The following ZNF843 variants were observed in gnomAD, a reference collection of about 807,000 sequenced individuals.
ZNF843 encodes the protein zinc finger protein 843.
For missense variants in ZNF843, 482 were observed against 469.4 expected, an observed-to-expected ratio of 1.03 and a Z score of -0.25; for synonymous variants, 185 against 207.7, an observed-to-expected ratio of 0.89 and a Z score of 0.94.
chr16:31,437,659 C>T (rs1256109693), intron 1 of ZNF843, among the ~76,000 whole-genome samples: 1 of 138,038 alleles, frequency 7.2e-6, no homozygotes, highest in Non-Finnish European at 1.5e-5. Flanking sequence ...CTTGCTCTGT[C>T]ACCCAGGCTG....
intron 1 of ZNF843, among the ~76,000 whole-genome samples, chr16:31,442,273 TGGGCCC>T (rs2082203927): frequency 6.6e-6 from 1 of 152,166 alleles, no homozygotes; most frequent in Admixed American, 6.5e-5. Flanking sequence ...GTGGAGGCGG[TGGGCCC>T]GGGCTGCGGC....
At chr16:31,437,416 G>A (rs953423930) in intron 1 of ZNF843, among the ~76,000 whole-genome samples, 1 of 141,136 alleles carries the variant, frequency 7.1e-6, no homozygotes, top group Non-Finnish European at 1.5e-5. Flanking sequence ...TGATCCTCCC[G>A]CTTCAGTCTC....
At chr16:31,439,399 C>G (rs1272429729) in intron 1 of ZNF843, among the ~76,000 whole-genome samples, 1 of 152,196 alleles carries the variant, frequency 6.6e-6, no homozygotes, top group Non-Finnish European at 1.5e-5. Context: ...TTAGGATTTA[C>G]TCAAGGAAAA....
rs1387833257 is a variant in ZNF843, at chr16:31,435,526, G to T, written c.*277C>A. On this transcript the variant is annotated 3_prime_UTR_variant, in exon 2 of 2. Coordinates refer to ENST00000315678, the MANE Select transcript of ZNF843 (RefSeq NM_001136509.3). Reference sequence around the variant, plus strand: ...CTAGTCTCAAATTCTTCGGGCTCACGCGATCCTCCCACCTCGGTCTCTTAA... The same window carrying T: ...CTAGTCTCAAATTCTTCGGGCTCACTCGATCCTCCCACCTCGGTCTCTTAA... The T allele has an allele frequency of 3.3e-6, 1 of 305,616 alleles. No individual in the cohort carries two copies. Among genetic ancestry groups the T allele is most frequent in the Non-Finnish European group, 6.0e-6 (1 of 166,938 alleles). 18.9% of individuals were successfully genotyped at this position (305,616 alleles called of 1,614,324 possible). A position where few individuals can be genotyped will look rare whatever the true frequency, so the allele number is the denominator to read the frequency against.
rs1203605816 is a variant in ZNF843, at chr16:31,436,500, C to T, written c.350G>A (p.Arg117His). ...AAAACCTGCTGGTACTGGGGACAGA[C>T]GCAGGGCTTCGGCCAGTGTGTGCTC... ...TKEHTLAEALRLSPVPAGFWG... is the reference protein window; with the variant it reads ...TKEHTLAEALHLSPVPAGFWG... The change falls in exon 2 of 2, where the codon CGT becomes CAT. Residue 117 changes from arginine (R) to histidine (H), a missense_variant. Coordinates refer to ENST00000315678, the MANE Select transcript of ZNF843 (RefSeq NM_001136509.3). 6.4e-6 allele frequency: 10 copies of T among 1,551,378 alleles called. No individual in the cohort carries two copies. The Admixed American group carries it at 1.2e-4, about 18-fold the overall frequency.
chr16:31,435,793 C>G lies in ZNF843; in HGVS notation c.*10G>C. 2.1e-6 allele frequency: 3 copies of G among 1,447,948 alleles called. No homozygotes were observed. Among genetic ancestry groups the G allele is most frequent in the Non-Finnish European group, 2.7e-6 (3 of 1,096,982 alleles). The allele number at this position is 1,447,948 out of a possible 1,614,324, so 89.7% of individuals were successfully genotyped here. The stretch of plus-strand genomic sequence containing the variant: ...AACAATTCCACCCAGGGCTGCAGCA[C>G]GCTGGTTCTTCAGTGTCGGGCCAGG... On this transcript the variant is annotated 3_prime_UTR_variant, in exon 2 of 2. Coordinates refer to ENST00000315678, the MANE Select transcript of ZNF843 (RefSeq NM_001136509.3).
Position 31,435,955 on chromosome 16 carries a change from T to C in ZNF843, c.895A>G (p.Arg299Gly). Residue 299 changes from arginine (R) to glycine (G), a missense_variant, in exon 2 of 2, where the codon AGA (arginine) becomes GGA (glycine). Transcript: ENST00000315678. ...GCCTCGCCGAGCGGTCCGGCCGCTCTGTGCTGCGAGGCCTTCCGGGCTGGC... is the reference window on the plus strand; with the variant it reads ...GCCTCGCCGAGCGGTCCGGCCGCTCCGTGCTGCGAGGCCTTCCGGGCTGGC... ...PEPARKASQHRAAGPLGEARA... is the reference protein window; with the variant it reads ...PEPARKASQHGAAGPLGEARA... 1 of 1,535,000 alleles carries C rather than the reference T, an allele frequency of 6.5e-7. No individual in the cohort carries two copies. The highest frequency in any genetic ancestry group is 8.8e-7 in the Non-Finnish European group (1 of 1,138,742).
chr16:31,439,189 A>T (rs1264376340), intron 1 of ZNF843, among the ~76,000 whole-genome samples: 3 of 152,262 alleles, frequency 2.0e-5, no homozygotes, highest in African/African-American at 7.2e-5. Flanking sequence ...CAGTCACCCG[A>T]GAAATGCAAA....
chr16:31,436,945 C>G lies in ZNF843; in HGVS notation c.-96G>C. On this transcript the variant is annotated 5_prime_UTR_variant, in exon 2 of 2. Transcript: ENST00000315678. ...TGGGGCCTCTGCCGCACTCAGGCTTCCCGTGGCCACGAGCTCACAGTCTGG... is the reference window on the plus strand; with the variant it reads ...TGGGGCCTCTGCCGCACTCAGGCTTGCCGTGGCCACGAGCTCACAGTCTGG... 1 of 1,220,686 alleles carries G rather than the reference C, an allele frequency of 8.2e-7. No homozygotes were observed. The highest frequency in any genetic ancestry group is 1.1e-6 in the Non-Finnish European group (1 of 890,406). 75.6% of individuals were successfully genotyped at this position (1,220,686 alleles called of 1,614,324 possible).
chr16:31,441,585 A>G (rs2142885566), intron 1 of ZNF843, among the ~76,000 whole-genome samples: 1 of 152,116 alleles, frequency 6.6e-6, no homozygotes, highest in African/African-American at 2.4e-5. Context: ...CCTGGGCTCA[A>G]GCGGTCCTCC....
chr16:31,442,344 G>C (rs567625615), intron 1 of ZNF843, among the ~76,000 whole-genome samples: 1 of 150,568 alleles, frequency 6.6e-6, no homozygotes, highest in African/African-American at 2.5e-5. Flanking sequence ...TTTTTGAGAC[G>C]GAGTCTCGCT....
intron 1 of ZNF843, 52 bp downstream of exon 1, chr16:31,442,584 G>C (rs994517412): frequency 6.5e-6 from 1 of 152,682 alleles, no homozygotes; most frequent in African/African-American, 2.4e-5. Context: ...CTCCCAAAGT[G>C]CTGGGATTAC....
rs1260775487 is a variant in ZNF843 at position 31,435,830 on chromosome 16, G to A, written c.1020C>T (p.Ser340=). Residue 340 remains serine (S), a synonymous_variant, in exon 2 of 2, where the codon AGC becomes AGT. Coordinates refer to ENST00000315678, the MANE Select transcript of ZNF843 (RefSeq NM_001136509.3). ...LPVFPVWKAS[S]RRSNLARH is the part of the protein sequence containing the mutation. ...AGTGTCGGGCCAGGTTGGACCTCCG[G>A]CTGGAGGCCTTCCACACCGGAAACA... is the stretch of plus-strand genomic sequence containing the variant. 2 of 1,466,374 alleles carry A rather than the reference G, an allele frequency of 1.4e-6. No homozygotes were observed. Among genetic ancestry groups the A allele is most frequent in the Admixed American group, 5.2e-5 (2 of 38,140 alleles). 90.8% of individuals were successfully genotyped at this position (1,466,374 alleles called of 1,614,324 possible). A position where few individuals can be genotyped will look rare whatever the true frequency, so the allele number is the denominator to read the frequency against.
In ZNF843 at chr16:31,439,397, T is replaced by C. The variant is rs560408369; in HGVS notation, c.-335-2213A>G. Among the ~76,000 whole-genome samples, 299 of 152,350 alleles carry C rather than the reference T, an allele frequency of 2.0e-3. 2 individuals are homozygous for C. The highest frequency in any genetic ancestry group is 3.1e-3 in the Non-Finnish European group (211 of 68,036). On this transcript the variant is annotated intron_variant, in intron 1 of 1. Coordinates refer to ENST00000315678, the MANE Select transcript of ZNF843 (RefSeq NM_001136509.3). ...ACTCAATAATTCTACTCTTAGGATTTACTCAAGGAAAATAAAAACATATGT... is the reference window on the plus strand; with the variant it reads ...ACTCAATAATTCTACTCTTAGGATTCACTCAAGGAAAATAAAAACATATGT...
In ZNF843 at chr16:31,436,393, T is replaced by C. The variant is rs1342992142; in HGVS notation, c.457A>G (p.Ser153Gly). The C allele has an allele frequency of 1.9e-6, 3 of 1,550,134 alleles. No individual in the cohort carries two copies. The highest frequency in any genetic ancestry group is 2.4e-5 in the South Asian group (2 of 83,870). The part of the protein sequence containing the change: ...CPFCCCSCGD[S>G]VNEKTSLSQR... ...GAGAGGGAGGTCTTCTCATTGACAC[T>C]GTCACCGCAGCTGCAGCAGCAGAAG... is the stretch of plus-strand genomic sequence containing the variant. Residue 153 changes from serine to glycine, a missense_variant, in exon 2 of 2, where the codon AGT (serine) becomes GGT (glycine). Transcript: ENST00000315678.
At chr16:31,441,216 G>C (rs1405738708) in intron 1 of ZNF843, among the ~76,000 whole-genome samples, 1 of 152,126 alleles carries the variant, frequency 6.6e-6, no homozygotes, top group Non-Finnish European at 1.5e-5. Flanking sequence ...CCTACTGAAG[G>C]TGCCCGGCCC....
At chr16:31,440,419 C>T (rs754449366) in intron 1 of ZNF843, among the ~76,000 whole-genome samples, 9 of 152,332 alleles carry the variant, frequency 5.9e-5, no homozygotes, top group Admixed American at 2.6e-4. Flanking sequence ...AAGCAACAGA[C>T]GAGTCTAATT....
rs1351970590 is a variant in ZNF843 at position 31,436,903 on chromosome 16, C to A, written c.-54G>T. ...GGAGTAACTGTACGGGAGGCTTTGC[C>A]GCACTTGGCGCAGCTGTGGGGCCTC... On this transcript the variant is annotated 5_prime_UTR_variant, in exon 2 of 2. Coordinates refer to ENST00000315678, the MANE Select transcript of ZNF843 (RefSeq NM_001136509.3). 2.1e-6 allele frequency: 3 copies of A among 1,436,804 alleles called. No individual in the cohort carries two copies. 89.0% of individuals were successfully genotyped at this position (1,436,804 alleles called of 1,614,324 possible). A position where few individuals can be genotyped will look rare whatever the true frequency, so the allele number is the denominator to read the frequency against.
At position 31,435,758 on chromosome 16, in the gene ZNF843, C is replaced by G. The variant is rs1236241134; in HGVS notation, c.*45G>C. On this transcript the variant is annotated 3_prime_UTR_variant, in exon 2 of 2. Transcript: ENST00000315678. Reference sequence around the variant, plus strand: ...ACTGCATCTCAGATCCACAGTCCACCGGCGGCTGCAACAATTCCACCCAGG... The same window carrying G: ...ACTGCATCTCAGATCCACAGTCCACGGGCGGCTGCAACAATTCCACCCAGG... The G allele has an allele frequency of 1.4e-6, 2 of 1,435,088 alleles. No individual in the cohort carries two copies. Among genetic ancestry groups the G allele is most frequent in the Admixed American group, 3.0e-5 (1 of 33,308 alleles). The allele number at this position is 1,435,088 out of a possible 1,614,324, so 88.9% of individuals were successfully genotyped here. A position where few individuals can be genotyped will look rare whatever the true frequency, so the allele number is the denominator to read the frequency against.
Sources: gnomAD v4.1 joint callset for allele counts (sites outside exome capture counted in the v4.1 genomes callset) on GRCh38, gnomAD v4.1.1 for gene constraint, MANE v1.5 for transcripts, NCBI Gene and HGNC (gene_info 2026-07-23, HGNC 2026-07-21) for gene names.